The following AKAP13 variants were observed in gnomAD, a reference collection of about 807,000 sequenced individuals.
AKAP13 encodes the protein A-kinase anchoring protein 13, also known as A-kinase anchor protein 13.
AKAP13 carries 80 observed loss-of-function variants against 264.5 expected under a neutral mutation model. The observed-to-expected ratio is 0.30, with a 90% confidence interval of 0.25 to 0.36. The LOEUF is 0.36. Among genes scored for constraint, AKAP13 ranks in the 10% least tolerant of loss-of-function variants. AKAP13 has a pLI of 1.00. For missense variants in AKAP13, 3,712 were observed against 3,435.2 expected, an observed-to-expected ratio of 1.08 and a Z score of -2.01; for synonymous variants, 1,380 against 1,250.2, an observed-to-expected ratio of 1.10 and a Z score of -2.19.
At chr15:85,467,192 T>C (rs1395381619) in intron 1 of AKAP13, among the ~76,000 whole-genome samples, 2 of 152,232 alleles carry the variant, frequency 1.3e-5, no homozygotes, top group African/African-American at 4.8e-5. Flanking sequence ...AACACTATAG[T>C]ATATTTTACA....
Position 85,579,675 on chromosome 15 carries a change from G to C in AKAP13, c.1607G>C (p.Cys536Ser), listed in dbSNP as rs1271151921. 1.2e-6 allele frequency: 2 copies of C among 1,614,066 alleles called. No individual in the cohort carries two copies. Among genetic ancestry groups the C allele is most frequent in the Non-Finnish European group, 1.7e-6 (2 of 1,180,022 alleles). The part of the protein sequence containing the change: ...KPVDKISVPN[C>S]APAASSLDGN... ...GTGGATAAAATCAGTGTTCCAAACT[G>C]TGCCCCTGCTGCCAGTTCCCTGGAT... The change falls in exon 7 of 37, where the codon TGT (cysteine) becomes TCT (serine). Residue 536 changes from cysteine to serine, a missense_variant. By Grantham distance (112) the Cys-to-Ser change is moderately radical. Around this residue, in one of 3 missense-constraint regions of AKAP13, gnomAD observed 2,759 missense variants for 2,411.7 expected, o/e 1.14. Transcript: ENST00000394518.
chr15:85,585,843 C>G lies in AKAP13; in HGVS notation c.4161+20C>G, dbSNP rs750936890. On this transcript the variant is annotated intron_variant, in intron 8 of 36. Coordinates refer to ENST00000394518, the MANE Select transcript of AKAP13 (RefSeq NM_007200.5). ...CAGGCGGTAAGTGGCATCAGTAAGT[C>G]TATAAGGGCACAAAATGTGTTTATC... 11 of 1,612,310 alleles carry G rather than the reference C, an allele frequency of 6.8e-6. No homozygotes were observed. In the South Asian group the frequency reaches 1.2e-4, roughly 18 times the overall value.
chr15:85,673,623 A>T (rs141036451), intron 14 of AKAP13, among the ~76,000 whole-genome samples: 44 of 148,488 alleles, frequency 3.0e-4, no homozygotes, highest in African/African-American at 1.0e-3. Flanking sequence ...TTATTTTCAC[A>T]TGTATAGAAT....
At chr15:85,557,050 T>C (rs1392077855) in intron 5 of AKAP13, among the ~76,000 whole-genome samples, 2 of 152,246 alleles carry the variant, frequency 1.3e-5, no homozygotes, top group African/African-American at 4.8e-5. Context: ...GTTTAAGGTG[T>C]GAGTGTTCAG....
At chr15:85,618,228 G>A (rs1055371187) in intron 8 of AKAP13, among the ~76,000 whole-genome samples, 15 of 152,114 alleles carry the variant, frequency 9.9e-5, no homozygotes, top group African/African-American at 3.6e-4. Flanking sequence ...TTGAATATCT[G>A]GCCTGAGGAC....
intron 3 of AKAP13, 68 bp downstream of exon 3, chr15:85,521,643 A>G: frequency 3.9e-6 from 6 of 1,523,722 alleles, no homozygotes; most frequent in Non-Finnish European, 4.5e-6. Flanking sequence ...GATGTTTATG[A>G]GTATAGAGTG....
At chr15:85,729,357 A>G (rs1196434219) in intron 29 of AKAP13, among the ~76,000 whole-genome samples, 1 of 152,134 alleles carries the variant, frequency 6.6e-6, no homozygotes, top group Non-Finnish European at 1.5e-5. Flanking sequence ...CAGAGTAAGG[A>G]GACAGAGTCT....
intron 1 of AKAP13, among the ~76,000 whole-genome samples, chr15:85,398,702 C>T (rs1274023070): frequency 3.3e-5 from 5 of 152,090 alleles, no homozygotes; most frequent in Admixed American, 1.3e-4. Flanking sequence ...ATTACAGGCA[C>T]ATGCCACCAC....
At chr15:85,742,270 C>T (rs950971005) in intron 35 of AKAP13, among the ~76,000 whole-genome samples, 2 of 152,310 alleles carry the variant, frequency 1.3e-5, no homozygotes, top group South Asian at 2.1e-4. Flanking sequence ...TTAGGAGCAA[C>T]GCCACTGCTC....
chr15:85,443,199 C>G (rs1398712894), intron 1 of AKAP13, among the ~76,000 whole-genome samples: 1 of 151,864 alleles, frequency 6.6e-6, no homozygotes, highest in Non-Finnish European at 1.5e-5. Context: ...TTAGAAGTCC[C>G]AAGATCCCCT....
intron 8 of AKAP13, among the ~76,000 whole-genome samples, chr15:85,638,732 G>T (rs1479730332): frequency 6.6e-6 from 1 of 150,554 alleles, no homozygotes; most frequent in Non-Finnish European, 1.5e-5. Context: ...CACCAGTCCT[G>T]CTGTTTATTA....
rs972396624 is a variant in AKAP13, at chr15:85,724,062, C to T, written c.6745+742C>T. Among the ~76,000 whole-genome samples, 1 of 152,172 alleles carries T rather than the reference C, an allele frequency of 6.6e-6. No individual in the cohort carries two copies. The highest frequency in any genetic ancestry group is 1.9e-4 in the East Asian group (1 of 5,196). ...CACCAATAGCCTTGAATTATACCCA[C>T]CCCGTCGCCCTGGCCTCAGTGAGCT... On this transcript the variant is annotated intron_variant, in intron 26 of 36. Transcript: ENST00000394518. This position sits in a 1 kb window ranked among gnomAD's most constrained non-coding sequence, Gnocchi z 4.2.
intron 5 of AKAP13, among the ~76,000 whole-genome samples, chr15:85,573,572 A>AATAAATAAATAAATAAATATG (rs998963083): frequency 3.3e-5 from 5 of 151,840 alleles, no homozygotes; most frequent in African/African-American, 1.2e-4. Context: ...TAAATAAATA[A>AATAAATAAATAAATAAATATG]ATATGATATG....
intron 1 of AKAP13, among the ~76,000 whole-genome samples, chr15:85,399,922 A>G (rs985518585): frequency 6.6e-6 from 1 of 152,194 alleles, no homozygotes; most frequent in Non-Finnish European, 1.5e-5. Flanking sequence ...GCTTATCTAA[A>G]TGCATGTTAG....
chr15:85,484,174 T>C (rs1211419015), intron 1 of AKAP13, among the ~76,000 whole-genome samples: 1 of 152,206 alleles, frequency 6.6e-6, no homozygotes, highest in African/African-American at 2.4e-5. Context: ...AGCTTAATTG[T>C]AAATTAAATG....
intron 5 of AKAP13, among the ~76,000 whole-genome samples, chr15:85,559,492 G>C (rs1166141582): frequency 2.6e-5 from 4 of 152,072 alleles, no homozygotes; most frequent in Non-Finnish European, 5.9e-5. Flanking sequence ...TTACTGCACT[G>C]TAATATATAA....
intron 2 of AKAP13, among the ~76,000 whole-genome samples, chr15:85,486,520 A>G (rs748784649): frequency 2.6e-5 from 4 of 152,018 alleles, no homozygotes; most frequent in Admixed American, 6.6e-5. Context: ...TCTTTCTCCC[A>G]TTGAATTGTC....
At chr15:85,437,509 C>G (rs1339874520) in intron 1 of AKAP13, among the ~76,000 whole-genome samples, 14 of 151,084 alleles carry the variant, frequency 9.3e-5, no homozygotes, top group Non-Finnish European at 1.8e-4. Context: ...CGGGCAGAGA[C>G]ACAACCAAAA....
In AKAP13 at chr15:85,693,323, C is replaced by G. The variant is rs1462302342; in HGVS notation, c.5336C>G (p.Ser1779Cys). ...KDKIKEKEKDSKDKEKDKKTV... is the reference protein window; with the variant it reads ...KDKIKEKEKDCKDKEKDKKTV... The stretch of plus-strand genomic sequence containing the variant: ...AAGATTAAGGAGAAGGAGAAAGATT[C>G]TAAAGACAAGGAGAAAGATAAGAAG... Residue 1779 changes from serine to cysteine, a missense_variant, in exon 17 of 37, where the codon TCT (serine) becomes TGT (cysteine). Transcript: ENST00000394518. 1.2e-6 allele frequency: 2 copies of G among 1,609,402 alleles called. No individual in the cohort carries two copies. The highest frequency in any genetic ancestry group is 1.7e-5 in the Admixed American group (1 of 58,460).
Sources: gnomAD v4.1 joint callset for allele counts (sites outside exome capture counted in the v4.1 genomes callset) on GRCh38, gnomAD v4.1.1 for gene constraint, gnomAD v4.1.1 regional missense constraint, Gnocchi (gnomAD v3.1) non-coding constraint, MANE v1.5 for transcripts, NCBI Gene and HGNC (gene_info 2026-07-23, HGNC 2026-07-21) for gene names.